Variants in DLGAP2 observed in about 807,000 individuals in gnomAD.
The protein encoded by DLGAP2 is disks large-associated protein 2.
DLGAP2 carries 26 observed loss-of-function variants against 100.3 expected under a neutral mutation model. That is an observed-to-expected ratio of 0.26 (90% CI 0.19 to 0.36). DLGAP2 has a LOEUF of 0.36. DLGAP2 is among the 10% of genes least tolerant of loss of function. DLGAP2 has a pLI of 1.00. For synonymous variants in DLGAP2, 886 were observed against 630.1 expected, an observed-to-expected ratio of 1.41 and a Z score of -6.08; for missense variants, 1,858 against 1,453.2, an observed-to-expected ratio of 1.28 and a Z score of -4.53.
intron 3 of DLGAP2, among the ~76,000 whole-genome samples, chr8:1,449,400 A>G (rs1798075026): frequency 6.6e-6 from 1 of 152,110 alleles, no homozygotes; most frequent in African/African-American, 2.4e-5. Flanking sequence ...TTGGGGCTGG[A>G]GCTTCCAGGG....
chr8:1,552,870 A>G (rs570124801), intron 5 of DLGAP2, among the ~76,000 whole-genome samples: 1 of 152,310 alleles, frequency 6.6e-6, no homozygotes, highest in Non-Finnish European at 1.5e-5. Context: ...AATAAGTGGA[A>G]TTGAAAGGCA....
chr8:1,280,539 C>G (rs1468164297), intron 3 of DLGAP2, among the ~76,000 whole-genome samples: 1 of 152,120 alleles, frequency 6.6e-6, no homozygotes, highest in Non-Finnish European at 1.5e-5. Flanking sequence ...GGAGGGATTT[C>G]TTGTGGCTCA....
intron 5 of DLGAP2, among the ~76,000 whole-genome samples, chr8:1,563,502 T>C (rs1563223069): frequency 7.3e-6 from 1 of 137,294 alleles, no homozygotes; most frequent in Non-Finnish European, 1.6e-5. Flanking sequence ...CTGTGTGGTG[T>C]TGGGGTGTCC....
chr8:1,387,961 C>T (rs1048617875), intron 3 of DLGAP2, among the ~76,000 whole-genome samples: 5 of 152,222 alleles, frequency 3.3e-5, no homozygotes, highest in African/African-American at 7.2e-5. Flanking sequence ...GCGATCAAGG[C>T]GTGGAGGTCC....
rs970464494 is a variant in DLGAP2 at position 1,501,444 on chromosome 8, C to T, written c.172+13C>T. ...GAGGAGGATCTAGGTAGAGTACAGA[C>T]GTCAGCCCCGCTCTGGCGGGGCCCG... On this transcript the variant is annotated intron_variant, in intron 4 of 14. Transcript: ENST00000637795. 40 of 1,535,628 alleles carry T rather than the reference C, an allele frequency of 2.6e-5. No individual in the cohort carries two copies. The highest frequency in any genetic ancestry group is 7.3e-5 in the East Asian group (3 of 40,914).
At chr8:1,361,645 CT>C (rs969694167) in intron 3 of DLGAP2, among the ~76,000 whole-genome samples, 69 of 152,328 alleles carry the variant, frequency 4.5e-4, no homozygotes, top group African/African-American at 1.5e-3. Context: ...GGGAGCCCCC[CT>C]GGGTCTGACT....
chr8:776,041 C>G (rs1296228904), intron 1 of DLGAP2, among the ~76,000 whole-genome samples: 13 of 152,200 alleles, frequency 8.5e-5, no homozygotes, highest in African/African-American at 3.1e-4. Context: ...TGTTATTGGT[C>G]TATTCAGAGA....
chr8:1,061,695 G>A (rs111458228), intron 2 of DLGAP2, among the ~76,000 whole-genome samples: 7 of 150,552 alleles, frequency 4.6e-5, no homozygotes, highest in South Asian at 2.1e-4. Flanking sequence ...TGAGTGGCAC[G>A]TTGTGCTACA....
intron 8 of DLGAP2, among the ~76,000 whole-genome samples, chr8:1,637,204 C>G (rs1797787359): frequency 6.6e-6 from 1 of 152,168 alleles, no homozygotes; most frequent in East Asian, 1.9e-4. Context: ...GGCAAGGAGG[C>G]CCTGCAGCCA....
intron 2 of DLGAP2, among the ~76,000 whole-genome samples, chr8:1,070,267 G>T (rs1360738094): frequency 1.3e-5 from 2 of 152,226 alleles, no homozygotes; most frequent in Admixed American, 1.3e-4. Context: ...TCATGGCGTG[G>T]GTTCAGGGCA....
At chr8:1,390,666 C>G (rs1274675291) in intron 3 of DLGAP2, among the ~76,000 whole-genome samples, 1 of 152,182 alleles carries the variant, frequency 6.6e-6, no homozygotes, top group African/African-American at 2.4e-5. Context: ...ATTGAGCCGC[C>G]AAGCTCTGAT....
At chr8:1,480,013 G>A (rs1799044950) in intron 3 of DLGAP2, among the ~76,000 whole-genome samples, 1 of 152,202 alleles carries the variant, frequency 6.6e-6, no homozygotes, top group African/African-American at 2.4e-5. Context: ...GTCCTCACCA[G>A]CCCCTGTAAG....
intron 3 of DLGAP2, among the ~76,000 whole-genome samples, chr8:1,458,006 A>ATGTGTG (rs1798367273): frequency 1.0e-5 from 1 of 97,630 alleles, no homozygotes; most frequent in Non-Finnish European, 2.2e-5. Flanking sequence ...ATATATATAT[A>ATGTGTG]TATATATAAT....
In DLGAP2 at chr8:1,501,382, C is replaced by T. The variant is rs1799717037; in HGVS notation, c.123C>T (p.Asp41=). ...TCTTTGCAGAGGAAGAAGCTGGAGA[C>T]TTGGTCCAGCCGGGCATCAGCTTTC... ...CGEPEEEEAG[D]LVQPGISFPG... is the part of the protein sequence containing the mutation. Residue 41 remains aspartate, a synonymous_variant, in exon 4 of 15, where the codon GAC becomes GAT. Coordinates refer to ENST00000637795, the MANE Select transcript of DLGAP2 (RefSeq NM_001346810.2). The T allele has an allele frequency of 6.5e-7, 1 of 1,535,754 alleles. No homozygotes were observed. The highest frequency in any genetic ancestry group is 1.4e-5 in the African/African-American group (1 of 73,044).
intron 5 of DLGAP2, among the ~76,000 whole-genome samples, chr8:1,562,509 G>T (rs1430148636): frequency 4.0e-5 from 2 of 50,608 alleles, no homozygotes; most frequent in East Asian, 6.5e-4. Context: ...ACTGTGTGGT[G>T]TTGGGGTGTC....
At chr8:1,250,960 G>A (rs966539646) in intron 2 of DLGAP2, among the ~76,000 whole-genome samples, 5 of 152,146 alleles carry the variant, frequency 3.3e-5, no homozygotes, top group Non-Finnish European at 4.4e-5. Context: ...GTGTGACCTC[G>A]GTACGTGGCA....
intron 1 of DLGAP2, chr8:738,697 G>GCTGGGCTGGA (rs1820393993): frequency 2.0e-5 from 3 of 153,056 alleles, no homozygotes; most frequent in Admixed American, 6.6e-5. Flanking sequence ...GCTGGGCTGG[G>GCTGGGCTGGA]CTGGGCTGGA....
At chr8:1,580,652 A>G (rs1803195726) in intron 6 of DLGAP2, among the ~76,000 whole-genome samples, 1 of 133,536 alleles carries the variant, frequency 7.5e-6, no homozygotes, top group Non-Finnish European at 1.6e-5. Context: ...AAGACAGATC[A>G]ACACCAGAAA....
intron 2 of DLGAP2, among the ~76,000 whole-genome samples, chr8:1,052,896 T>A (rs915396509): frequency 6.6e-6 from 1 of 152,342 alleles, no homozygotes; most frequent in Non-Finnish European, 1.5e-5. Context: ...AAACTCATTA[T>A]TAATCTTCCC....
Sources: allele counts gnomAD v4.1 joint callset (sites outside exome capture counted in the v4.1 genomes callset), GRCh38; gene constraint gnomAD v4.1.1; transcripts MANE v1.5; gene names NCBI Gene and HGNC (gene_info 2026-07-23, HGNC 2026-07-21).